The following SKAP1 variants were observed in gnomAD, a reference collection of about 807,000 sequenced individuals.
SKAP1 encodes src kinase associated phosphoprotein 1.
SKAP1 carries 44 observed loss-of-function variants against 58.5 expected under a neutral mutation model. The observed-to-expected ratio is 0.75, with a 90% CI of 0.59 to 0.97. The LOEUF (loss-of-function observed/expected upper bound fraction) is 0.97, where lower values mean the gene tolerates loss of function less well. Ranked by LOEUF, SKAP1 falls within the 50% of genes least tolerant of loss-of-function variation. The probability of loss-of-function intolerance (pLI) is 0.00; values close to 1 mark genes in which losing one functional copy is unlikely to be tolerated. For missense variants in SKAP1, 390 were observed against 435.2 expected (o/e 0.90, Z 0.92); for synonymous variants, 127 against 149.7 (o/e 0.85, Z 1.11).
chr17:48,306,046 C>T (rs1242494542), intron 4 of SKAP1, among the ~76,000 whole-genome samples: 2 of 152,162 alleles, frequency 1.3e-5, no homozygotes, highest in Non-Finnish European at 2.9e-5. Context: ...ATACATAAAG[C>T]TTCTAGAAGT....
chr17:48,224,369 T>C (rs1012851524), intron 4 of SKAP1, among the ~76,000 whole-genome samples: 3 of 152,186 alleles, frequency 2.0e-5, no homozygotes, highest in Non-Finnish European at 4.4e-5. Flanking sequence ...TCATTATGAA[T>C]GCTGAAATGA....
At chr17:48,147,041 T>C (rs2063841337) in intron 11 of SKAP1, among the ~76,000 whole-genome samples, 1 of 152,230 alleles carries the variant, frequency 6.6e-6, no homozygotes. Context: ...ATAAAGCTCC[T>C]AACAGAAACA....
intron 4 of SKAP1, chr17:48,295,701 C>T (rs1400624932): frequency 6.7e-6 from 1 of 149,464 alleles, no homozygotes; most frequent in Non-Finnish European, 1.5e-5. Flanking sequence ...GTGTCTGGCA[C>T]AAATTTATCC....
At chr17:48,413,514 C>CAAAAAAAAAAAAAAAAAA (rs1222640261) in intron 1 of SKAP1, among the ~76,000 whole-genome samples, 16 of 99,930 alleles carry the variant, frequency 1.6e-4, no homozygotes, top group African/African-American at 5.5e-4. Flanking sequence ...AACTCCGTCT[C>CAAAAAAAAAAAAAAAAAA]AAAAAAAAAA....
At chr17:48,140,620 T>A (rs1047154449) in intron 11 of SKAP1, among the ~76,000 whole-genome samples, 1 of 152,144 alleles carries the variant, frequency 6.6e-6, no homozygotes, top group Non-Finnish European at 1.5e-5. Context: ...TAACATGTAA[T>A]CCTGCCTTCA....
chr17:48,190,110 ATTT>A (rs61267385), intron 4 of SKAP1, among the ~76,000 whole-genome samples: 1 of 141,986 alleles, frequency 7.0e-6, no homozygotes. Context: ...AAAATTAAGA[ATTT>A]TTTTTTTTTT....
chr17:48,261,094 G>A (rs770193483), intron 4 of SKAP1, among the ~76,000 whole-genome samples: 9 of 152,258 alleles, frequency 5.9e-5, no homozygotes, highest in South Asian at 2.1e-4. Context: ...TTATAGTTGT[G>A]TTTGGATCTG....
intron 2 of SKAP1, among the ~76,000 whole-genome samples, chr17:48,372,685 G>A (rs1223270864): frequency 6.6e-6 from 1 of 152,108 alleles, no homozygotes; most frequent in Non-Finnish European, 1.5e-5. Context: ...CTGTCACATA[G>A]GCTGGAATGC....
At chr17:48,398,780 G>A (rs2067455102) in intron 1 of SKAP1, among the ~76,000 whole-genome samples, 1 of 152,170 alleles carries the variant, frequency 6.6e-6, no homozygotes, top group Admixed American at 6.5e-5. Context: ...CCAGCACTTT[G>A]GGAGGCCAAG....
At chr17:48,331,990 C>T (rs1484023340) in intron 4 of SKAP1, among the ~76,000 whole-genome samples, 1 of 152,108 alleles carries the variant, frequency 6.6e-6, no homozygotes, top group Non-Finnish European at 1.5e-5. Context: ...AATTTTGTCA[C>T]TCTCTTCACA....
At chr17:48,366,756 G>A (rs1297374229) in intron 2 of SKAP1, among the ~76,000 whole-genome samples, 4 of 152,042 alleles carry the variant, frequency 2.6e-5, no homozygotes, top group African/African-American at 9.7e-5. Flanking sequence ...ATCTTCTCTT[G>A]AGGCACTTCC....
intron 2 of SKAP1, among the ~76,000 whole-genome samples, chr17:48,369,965 A>T (rs1242139972): frequency 1.3e-5 from 2 of 152,192 alleles, no homozygotes; most frequent in Non-Finnish European, 2.9e-5. Context: ...CAGTCAACCA[A>T]TTCAATATTT....
Position 48,162,493 on chromosome 17 carries a change from AC to A in SKAP1, c.953del (p.Gly318ValfsTer7). ...CCTTGCTCAGAATACGGATGAGGTC[AC>A]CCCGTTGGAAGGACAGTTCATCTGG... ...DQPDELSFQRGDLIRILSKEY... is the reference protein window; with the variant it reads ...DQPDELSFQRXDLIRILSKEY... On this transcript the variant is annotated frameshift_variant, in exon 11 of 13. Transcript: ENST00000336915. LOFTEE classifies it high-confidence loss of function. 6.2e-7 allele frequency: 1 copy of A among 1,613,964 alleles called. No homozygotes were observed. The highest frequency in any genetic ancestry group is 8.5e-7 in the Non-Finnish European group (1 of 1,179,878).
intron 2 of SKAP1, chr17:48,380,186 GCT>G: frequency 6.6e-6 from 1 of 152,358 alleles, no homozygotes; most frequent in Non-Finnish European, 1.5e-5. Context: ...GCTTTACCTG[GCT>G]CATCTTGGGA....
chr17:48,186,986 C>A (rs1041652999), intron 6 of SKAP1, among the ~76,000 whole-genome samples: 1 of 152,200 alleles, frequency 6.6e-6, no homozygotes, highest in Non-Finnish European at 1.5e-5. Flanking sequence ...ACAAGGAAAG[C>A]CCCAAGAAGA....
chr17:48,413,374 C>T (rs544150705), intron 1 of SKAP1, among the ~76,000 whole-genome samples: 46 of 150,992 alleles, frequency 3.0e-4, no homozygotes, highest in African/African-American at 1.0e-3. Flanking sequence ...ATTAGCCAGG[C>T]ATGGTGGCAC....
chr17:48,391,384 T>C (rs1313383946), intron 2 of SKAP1, among the ~76,000 whole-genome samples: 1 of 152,190 alleles, frequency 6.6e-6, no homozygotes, highest in Non-Finnish European at 1.5e-5. Context: ...ATGATCTTCC[T>C]TACCAGGTCT....
At chr17:48,194,535 G>A (rs2064598311) in intron 4 of SKAP1, among the ~76,000 whole-genome samples, 1 of 152,094 alleles carries the variant, frequency 6.6e-6, no homozygotes, top group Non-Finnish European at 1.5e-5. Context: ...GAAATCAGTT[G>A]GCAACACCAG....
At chr17:48,168,359 T>G (rs944874210) in intron 10 of SKAP1, among the ~76,000 whole-genome samples, 3 of 152,158 alleles carry the variant, frequency 2.0e-5, no homozygotes, top group African/African-American at 7.2e-5. Flanking sequence ...CAAAAGCATG[T>G]TAACACCTGA....
Sources: allele counts gnomAD v4.1 joint callset (sites outside exome capture counted in the v4.1 genomes callset), GRCh38; gene constraint gnomAD v4.1.1; transcripts MANE v1.5; gene names NCBI Gene and HGNC (gene_info 2026-07-23, HGNC 2026-07-21).